The following FAM228B variants were observed in gnomAD, a reference collection of about 807,000 sequenced individuals.
FAM228B encodes protein FAM228B.
FAM228B carries 38 observed loss-of-function variants against 42.6 expected under a neutral mutation model. That is an observed-to-expected ratio of 0.89 (90% CI 0.69 to 1.17). The LOEUF (loss-of-function observed/expected upper bound fraction) is 1.17. Among genes scored for constraint, FAM228B ranks in the 50% most tolerant of loss-of-function variants. FAM228B has a pLI of 0.00. For missense variants in FAM228B, 344 were observed against 367.3 expected (o/e 0.94, Z 0.52); for synonymous variants, 109 against 122.3 (o/e 0.89, Z 0.72).
chr2:24,082,356 A>G (rs1364690090), intron 2 of FAM228B, among the ~76,000 whole-genome samples: 2 of 152,086 alleles, frequency 1.3e-5, no homozygotes, highest in Non-Finnish European at 2.9e-5. Flanking sequence ...AAGCCTTCCA[A>G]AAAGCCTTCT....
intron 7 of FAM228B, among the ~76,000 whole-genome samples, chr2:24,148,273 T>G (rs1258310047): frequency 6.6e-6 from 1 of 152,226 alleles, no homozygotes; most frequent in African/African-American, 2.4e-5. Context: ...GGGTATTCTC[T>G]CCATGCTCTT....
intron 7 of FAM228B, among the ~76,000 whole-genome samples, chr2:24,159,024 C>T (rs545991259): frequency 7.0e-4 from 106 of 152,246 alleles, no homozygotes; most frequent in Admixed American, 1.6e-3. Context: ...CGGTTTATAG[C>T]CTTATCTCTG....
At chr2:24,161,111 T>C (rs112806672) in intron 7 of FAM228B, among the ~76,000 whole-genome samples, 342 of 152,326 alleles carry the variant, frequency 2.2e-3, no homozygotes, top group African/African-American at 7.8e-3. Context: ...CAGTGTATAA[T>C]AATATTTCCT....
In FAM228B at chr2:24,077,879, A is replaced by T; in HGVS notation, c.-290+910A>T. ...CGTATCTGAAAAAGCACACAGGGAC[A>T]CTTAACCCCTCACTTCCTAGCATGT... On this transcript the variant is annotated intron_variant, in intron 1 of 10. Transcript: ENST00000613899. This position sits in a 1 kb window ranked among gnomAD's most constrained non-coding sequence, Gnocchi z 5.5. 2 of 1,079,094 alleles carry T rather than the reference A, an allele frequency of 1.9e-6. No homozygotes were observed. The highest frequency in any genetic ancestry group is 4.8e-5 in the Admixed American group (2 of 41,446). 66.8% of individuals were successfully genotyped at this position (1,079,094 alleles called of 1,614,324 possible).
intron 3 of FAM228B, among the ~76,000 whole-genome samples, chr2:24,135,504 C>CT (rs1666559820): frequency 6.6e-6 from 1 of 152,156 alleles, no homozygotes; most frequent in African/African-American, 2.4e-5. Context: ...AACACACTGA[C>CT]TAATTATTAC....
chr2:24,089,130 C>T (rs1665329937), intron 2 of FAM228B, among the ~76,000 whole-genome samples: 1 of 152,164 alleles, frequency 6.6e-6, no homozygotes, highest in African/African-American at 2.4e-5. Context: ...GGGTGGATCA[C>T]TTGAGGTCAG....
At chr2:24,081,780 A>AC (rs1286609978) in intron 2 of FAM228B, among the ~76,000 whole-genome samples, 16 of 118,440 alleles carry the variant, frequency 1.4e-4, no homozygotes, top group Non-Finnish European at 1.7e-4. Context: ...GCTCTGCCCC[A>AC]CCCCCCCTGC....
chr2:24,133,995 A>G (rs934822852), intron 2 of FAM228B, among the ~76,000 whole-genome samples: 4 of 152,008 alleles, frequency 2.6e-5, no homozygotes, highest in African/African-American at 9.7e-5. Context: ...TTCCAATTAT[A>G]TTTATGTCAA....
upstream of FAM228B, among the ~76,000 whole-genome samples, chr2:24,119,882 C>G (rs958440814): frequency 2.4e-4 from 37 of 152,286 alleles, no homozygotes; most frequent in African/African-American, 8.9e-4. Context: ...ATTTAGTTGC[C>G]TTTCCTCAAA....
At chr2:24,116,265 TTGCAA>T (rs1439455913) in intron 3 of FAM228B, among the ~76,000 whole-genome samples, 1 of 150,724 alleles carries the variant, frequency 6.6e-6, no homozygotes, top group Non-Finnish European at 1.5e-5. Flanking sequence ...GAGGCAGAGG[TTGCAA>T]TGAGCTGACA....
intron 2 of FAM228B, among the ~76,000 whole-genome samples, chr2:24,126,010 A>G (rs759474713): frequency 6.6e-6 from 1 of 152,182 alleles, no homozygotes; most frequent in Non-Finnish European, 1.5e-5. Flanking sequence ...TCAATACTTC[A>G]TTCCTTTTTT....
At chr2:24,152,703 C>G (rs550319999) in intron 7 of FAM228B, among the ~76,000 whole-genome samples, 1 of 152,364 alleles carries the variant, frequency 6.6e-6, no homozygotes, top group East Asian at 1.9e-4. Context: ...GCCACCATTA[C>G]TGGTGCCGCA....
intron 3 of FAM228B, among the ~76,000 whole-genome samples, chr2:24,108,547 C>T (rs749519008): frequency 3.9e-5 from 6 of 152,028 alleles, no homozygotes; most frequent in Non-Finnish European, 5.9e-5. Flanking sequence ...AACATAGATG[C>T]ACAAATTCTC....
intron 7 of FAM228B, among the ~76,000 whole-genome samples, chr2:24,150,800 G>T (rs935986744): frequency 2.0e-5 from 3 of 152,186 alleles, no homozygotes; most frequent in Non-Finnish European, 2.9e-5. Flanking sequence ...GCTGCCAGAT[G>T]TGGTGGAGCT....
At chr2:24,147,459 T>C (rs1666924337) in intron 7 of FAM228B, among the ~76,000 whole-genome samples, 2 of 152,206 alleles carry the variant, frequency 1.3e-5, no homozygotes, top group South Asian at 4.1e-4. Flanking sequence ...TCACTTCAAA[T>C]ATTTCTTATT....
At chr2:24,114,053 T>A (rs1271329815) in intron 3 of FAM228B, among the ~76,000 whole-genome samples, 1 of 152,216 alleles carries the variant, frequency 6.6e-6, no homozygotes. Context: ...AAGTTCTGTG[T>A]AAGGCTATTA....
intron 2 of FAM228B, among the ~76,000 whole-genome samples, chr2:24,134,392 G>A (rs924648947): frequency 6.6e-6 from 1 of 152,200 alleles, no homozygotes; most frequent in Non-Finnish European, 1.5e-5. Flanking sequence ...TAGTGAAACT[G>A]TTGACATATT....
intron 2 of FAM228B, among the ~76,000 whole-genome samples, chr2:24,083,431 C>T (rs376332882): frequency 3.3e-5 from 5 of 152,056 alleles, no homozygotes; most frequent in African/African-American, 7.3e-5. Flanking sequence ...GAGTCCCAGA[C>T]GGGAAATAAT....
intron 3 of FAM228B, among the ~76,000 whole-genome samples, chr2:24,103,245 A>G (rs1277523888): frequency 1.3e-5 from 2 of 152,196 alleles, no homozygotes; most frequent in African/African-American, 4.8e-5. Context: ...TACTGGGTGA[A>G]GGGAGGCTGG....
Sources: allele counts gnomAD v4.1 joint callset (sites outside exome capture counted in the v4.1 genomes callset), GRCh38; gene constraint gnomAD v4.1.1; non-coding constraint Gnocchi (gnomAD v3.1); transcripts MANE v1.5; gene names NCBI Gene and HGNC (gene_info 2026-07-23, HGNC 2026-07-21).